The following FMNL2 variants were observed in gnomAD, a reference collection of about 807,000 sequenced individuals.
The protein encoded by FMNL2 is formin like 2.
A neutral mutation model predicts 130.2 loss-of-function variants in FMNL2; 51 were observed. The observed-to-expected ratio is 0.39, with a 90% CI of 0.31 to 0.49. The LOEUF is 0.49. FMNL2 is among the 20% of genes least tolerant of loss of function. The pLI is 0.85. For missense variants in FMNL2, 977 were observed against 1,316.2 expected, an observed-to-expected ratio of 0.74 and a Z score of 3.99; for synonymous variants, 465 against 467.1, an observed-to-expected ratio of 1.00 and a Z score of 0.06.
intron 2 of FMNL2, among the ~76,000 whole-genome samples, chr2:152,526,823 C>CT (rs201498163): frequency 3.9e-5 from 6 of 152,058 alleles, no homozygotes; most frequent in African/African-American, 1.4e-4. Context: ...TCTAGTTCAT[C>CT]TTTTTTTTAA....
rs1699138681 is a variant in FMNL2, at chr2:152,619,570, TCCTCCCCCACCGCCC to T, written c.1695_1709del (p.Pro569_Pro573del). ...CGCCGCCGCCCCCTCCTCCACCTCCTCCTCCCCCACCGCCCCCTCCGCCTCCTCCTCTCCCAGGCC... is the reference window on the plus strand; with the variant it reads ...CGCCGCCGCCCCCTCCTCCACCTCCTCCTCCGCCTCCTCCTCTCCCAGGCC... On this transcript the variant is annotated inframe_deletion, in exon 15 of 26. Transcript: ENST00000288670. 4.1e-6 allele frequency: 2 copies of T among 492,086 alleles called. No homozygotes were observed. Among genetic ancestry groups the T allele is most frequent in the Non-Finnish European group, 5.9e-6 (2 of 337,214 alleles). The allele number at this position is 492,086 out of a possible 1,614,324, so 30.5% of individuals were successfully genotyped here.
chr2:152,625,328 C>A, intron 15 of FMNL2, 110 bp from the exon 16 acceptor site: 1 of 1,348,072 alleles, frequency 7.4e-7, no homozygotes, highest in Non-Finnish European at 9.9e-7. Flanking sequence ...CGCCTCTTGC[C>A]AACCTTCCTC....
At chr2:152,445,411 C>G (rs943456490) in intron 1 of FMNL2, among the ~76,000 whole-genome samples, 2 of 152,194 alleles carry the variant, frequency 1.3e-5, no homozygotes, top group Non-Finnish European at 2.9e-5. Context: ...TGTCCTAGAC[C>G]ACTATTGTCC....
intron 1 of FMNL2, among the ~76,000 whole-genome samples, chr2:152,459,330 G>T (rs1191726877): frequency 6.6e-6 from 1 of 152,134 alleles, no homozygotes; most frequent in Non-Finnish European, 1.5e-5. Context: ...TCATGAATAT[G>T]CCATGATTTT....
chr2:152,600,654 G>C (rs977605106), intron 9 of FMNL2, among the ~76,000 whole-genome samples: 1 of 152,086 alleles, frequency 6.6e-6, no homozygotes, highest in Non-Finnish European at 1.5e-5. Flanking sequence ...TTTGCCTCCA[G>C]GGTCCCAGAT....
rs139340669 is a variant in FMNL2, at chr2:152,562,471, G to A, written c.596+1436G>A. 6.4e-3 allele frequency among the ~76,000 whole-genome samples: 980 copies of A among 152,230 alleles called. 13 individuals are homozygous for A. Among genetic ancestry groups the A allele is most frequent in the African/African-American group, 0.023 (941 of 41,528 alleles). ...TCTTGTCCCTTTGACTTGGTTTTTG[G>A]TCATGGAAAGTTAAACATTTCTCTG... On this transcript the variant is annotated intron_variant, in intron 6 of 25. Coordinates refer to ENST00000288670, the MANE Select transcript of FMNL2 (RefSeq NM_052905.4).
intron 1 of FMNL2, among the ~76,000 whole-genome samples, chr2:152,474,041 AT>A (rs987846208): frequency 6.6e-6 from 1 of 151,912 alleles, no homozygotes; most frequent in Non-Finnish European, 1.5e-5. Context: ...CACCCAGCTA[AT>A]TTTTTTGTAT....
intron 4 of FMNL2, among the ~76,000 whole-genome samples, chr2:152,556,257 A>C (rs2105569943): frequency 6.6e-6 from 1 of 152,204 alleles, no homozygotes; most frequent in Non-Finnish European, 1.5e-5. Flanking sequence ...CAGCCCTGAA[A>C]GACTGATCTC....
intron 25 of FMNL2, 25 bp downstream of exon 25, chr2:152,640,939 C>T: frequency 1.2e-6 from 2 of 1,612,330 alleles, no homozygotes; most frequent in East Asian, 2.2e-5. Context: ...TTCACTGTGG[C>T]CCATGGAGAT....
At chr2:152,601,099 T>TA (rs1423679085) in intron 9 of FMNL2, among the ~76,000 whole-genome samples, 1 of 152,134 alleles carries the variant, frequency 6.6e-6, no homozygotes, top group Non-Finnish European at 1.5e-5. Flanking sequence ...AAAGCAATCT[T>TA]ATCAGACAAC....
chr2:152,592,449 G>C (rs116238132), intron 9 of FMNL2, among the ~76,000 whole-genome samples: 1 of 152,060 alleles, frequency 6.6e-6, no homozygotes, highest in East Asian at 1.9e-4. Flanking sequence ...GGCTTTGTTT[G>C]TTGGTTTCTT....
At position 152,357,092 on chromosome 2, in the gene FMNL2, C is replaced by A. The variant is rs1016973072; in HGVS notation, c.117+21372C>A. Among the ~76,000 whole-genome samples, 401 of 102,084 alleles carry A rather than the reference C, an allele frequency of 3.9e-3. 4 individuals carry two copies. The highest frequency in any genetic ancestry group is 5.2e-3 in the Non-Finnish European group (266 of 50,900). 67.0% of individuals were successfully genotyped at this position (102,084 alleles called of 152,430 possible). ...GTTTAATATATCACGATAAATATTA[C>A]ATAAGTTTAATGTATCACGATAAAT... On this transcript the variant is annotated intron_variant, in intron 1 of 25. Transcript: ENST00000288670.
intron 1 of FMNL2, among the ~76,000 whole-genome samples, chr2:152,471,725 G>T (rs1054473809): frequency 1.3e-5 from 2 of 152,138 alleles, no homozygotes; most frequent in African/African-American, 4.8e-5. Context: ...TTACGAGTTC[G>T]TTTGAGGTTC....
chr2:152,339,784 G>A (rs1681692367), intron 1 of FMNL2, among the ~76,000 whole-genome samples: 1 of 152,166 alleles, frequency 6.6e-6, no homozygotes, highest in South Asian at 2.1e-4. Flanking sequence ...TTAGGAAGGA[G>A]TGGGAACATT....
At chr2:152,392,433 CAG>C (rs1685166794) in intron 1 of FMNL2, among the ~76,000 whole-genome samples, 1 of 152,090 alleles carries the variant, frequency 6.6e-6, no homozygotes, top group Non-Finnish European at 1.5e-5. Flanking sequence ...GCTGTAATGA[CAG>C]AATACTTGAG....
At chr2:152,335,887 C>G (rs1373504429) in intron 1 of FMNL2, among the ~76,000 whole-genome samples, 167 bp downstream of exon 1, 3 of 151,724 alleles carry the variant, frequency 2.0e-5, no homozygotes, top group Non-Finnish European at 4.4e-5. Flanking sequence ...CTTCACCCCC[C>G]TGGCAGTCCC....
intron 3 of FMNL2, among the ~76,000 whole-genome samples, chr2:152,543,729 C>CAAAAAAA (rs71394490): frequency 3.7e-4 from 23 of 61,388 alleles, no homozygotes; most frequent in Non-Finnish European, 5.0e-4. Flanking sequence ...ACCCCCCGAC[C>CAAAAAAA]AAAAAAAAAA....
intron 1 of FMNL2, among the ~76,000 whole-genome samples, chr2:152,504,412 A>G (rs1692036769): frequency 6.6e-6 from 1 of 151,734 alleles, no homozygotes; most frequent in South Asian, 2.1e-4. Context: ...ACGACCGGCT[A>G]ATTTTTTTAT....
At chr2:152,385,215 A>G (rs775302392) in intron 1 of FMNL2, among the ~76,000 whole-genome samples, 1 of 152,252 alleles carries the variant, frequency 6.6e-6, no homozygotes, top group African/African-American at 2.4e-5. Context: ...CAAGTGCCCA[A>G]GAATGCAGCA....
Sources: gnomAD v4.1 joint callset for allele counts (sites outside exome capture counted in the v4.1 genomes callset) on GRCh38, gnomAD v4.1.1 for gene constraint, MANE v1.5 for transcripts, NCBI Gene and HGNC (gene_info 2026-07-23, HGNC 2026-07-21) for gene names.